LRP5: variants seen among roughly 807,000 people sequenced by gnomAD.
LRP5 encodes low-density lipoprotein receptor-related protein 5.
Under a neutral mutation model 154.1 loss-of-function variants are expected in LRP5, and 62 were observed. The observed-to-expected ratio is 0.40, with a 90% CI of 0.33 to 0.50. The LOEUF (loss-of-function observed/expected upper bound fraction) is 0.50. LRP5 is among the 20% of genes least tolerant of loss of function. The pLI, the probability that LRP5 is intolerant of heterozygous loss-of-function variation, is 0.55. For synonymous variants in LRP5, 966 were observed against 1,011.5 expected, an observed-to-expected ratio of 0.96 and a Z score of 0.85; for missense variants, 1,915 against 2,336.7, an observed-to-expected ratio of 0.82 and a Z score of 3.72.
rs12280982 is a variant in LRP5, at chr11:68,343,902, G to A, written c.92-3945G>A. On this transcript the variant is annotated intron_variant, in intron 1 of 22. Transcript: ENST00000294304. ...GGTGCTGCACTCCCCTGAATGTGCC[G>A]GGGCCTGGGGGCAGGGACCTGGGCT... 7.9e-3 allele frequency among the ~76,000 whole-genome samples: 1,203 copies of A among 152,234 alleles called. 12 individuals are homozygous for A. Among genetic ancestry groups the A allele is most frequent in the African/African-American group, 0.026 (1,095 of 41,538 alleles).
chr11:68,400,705 G>A (rs1421410811), intron 7 of LRP5, among the ~76,000 whole-genome samples: 1 of 152,012 alleles, frequency 6.6e-6, no homozygotes, highest in Non-Finnish European at 1.5e-5. Context: ...TCTAGTCTGG[G>A]CAACAAGAGT....
intron 5 of LRP5, among the ~76,000 whole-genome samples, chr11:68,376,382 C>T (rs532230455): frequency 2.0e-5 from 3 of 152,144 alleles, no homozygotes; most frequent in East Asian, 3.9e-4. Context: ...GGGGTTTCAC[C>T]GTGTTAGCCA....
At chr11:68,381,787 G>A (rs1157303459) in intron 5 of LRP5, among the ~76,000 whole-genome samples, 2 of 152,156 alleles carry the variant, frequency 1.3e-5, no homozygotes, top group African/African-American at 2.4e-5. Context: ...TTTATAGCCC[G>A]GCACAGTCAG....
At position 68,324,295 on chromosome 11, in the gene LRP5, C is replaced by T. The variant is rs867036433; in HGVS notation, c.91+11490C>T. On this transcript the variant is annotated intron_variant, in intron 1 of 22. Transcript: ENST00000294304. ...CATATCACCCTGTGGGACAGATCCC[C>T]GGGACCTAGTGGGGTGGGATAGTGA... is the stretch of plus-strand genomic sequence containing the variant. Among the ~76,000 whole-genome samples the T allele has an allele frequency of 1.1e-4, 17 of 152,374 alleles. 1 individual carries two copies. In the South Asian group the frequency reaches 3.1e-3, roughly 28 times the overall value.
In LRP5 at chr11:68,348,938, T is replaced by A. The variant is rs575513367; in HGVS notation, c.488+695T>A. Among the ~76,000 whole-genome samples, 18 of 148,734 alleles carry A rather than the reference T, an allele frequency of 1.2e-4. No individual in the cohort carries two copies. In the South Asian group the frequency reaches 3.2e-3, roughly 26 times the overall value. ...CAGCCTGGGCGACAAAGTGAGGAGATCCTGTCTCAAAAAAAAAAAAGAGCT... is the reference window on the plus strand; with the variant it reads ...CAGCCTGGGCGACAAAGTGAGGAGAACCTGTCTCAAAAAAAAAAAAGAGCT... On this transcript the variant is annotated intron_variant, in intron 2 of 22. Coordinates refer to ENST00000294304, the MANE Select transcript of LRP5 (RefSeq NM_002335.4).
chr11:68,388,001 G>C (rs2098643971), intron 6 of LRP5, among the ~76,000 whole-genome samples: 2 of 152,154 alleles, frequency 1.3e-5, no homozygotes, highest in South Asian at 4.1e-4. Context: ...TTTCCTGCAA[G>C]TGGACTGGTG....
At chr11:68,363,550 G>A (rs946622009) in intron 3 of LRP5, among the ~76,000 whole-genome samples, 197 bp from the exon 4 acceptor site, 1 of 151,962 alleles carries the variant, frequency 6.6e-6, no homozygotes, top group Non-Finnish European at 1.5e-5. Context: ...CCAGCTACTC[G>A]GGAGGCTGAG....
In LRP5 at chr11:68,425,215, T is replaced by G; in HGVS notation, c.3350T>G (p.Leu1117Arg). 6.2e-7 allele frequency: 1 copy of G among 1,613,350 alleles called. No homozygotes were observed. The highest frequency in any genetic ancestry group is 8.5e-7 in the Non-Finnish European group (1 of 1,179,984). Residue 1117 changes from leucine to arginine, a missense_variant, in exon 15 of 23, where the codon CTG becomes CGG. By Grantham distance (102) the Leu-to-Arg change is moderately radical (BLOSUM62 -2). This residue lies in a region of LRP5 where 1,094 missense variants were observed against 1,210.1 expected (regional missense o/e 0.90). Transcript: ENST00000294304. ...ACCGGCCTCATCCGCCCTGTGGCCC[T>G]GGTGGTGGACAACACACTGGGCAAG... ...FTTGLIRPVA[L>R]VVDNTLGKLF...
intron 17 of LRP5, among the ~76,000 whole-genome samples, chr11:68,431,492 A>G (rs1433924542): frequency 6.6e-6 from 1 of 151,954 alleles, no homozygotes; most frequent in African/African-American, 2.4e-5. Context: ...CGCCCACCTC[A>G]GCCTCCCAAA....
intron 2 of LRP5, among the ~76,000 whole-genome samples, chr11:68,349,687 G>A (rs1232916781): frequency 1.3e-5 from 2 of 152,182 alleles, no homozygotes; most frequent in African/African-American, 4.8e-5. Context: ...AAGCTTTGGA[G>A]TCGAAGTCCG....
At chr11:68,315,377 AACTC>A (rs910225640) in intron 1 of LRP5, among the ~76,000 whole-genome samples, 1 of 152,220 alleles carries the variant, frequency 6.6e-6, no homozygotes, top group Non-Finnish European at 1.5e-5. Context: ...TCCACTGACA[AACTC>A]ACTCACTCAC....
intron 1 of LRP5, among the ~76,000 whole-genome samples, chr11:68,332,029 C>T (rs926080580): frequency 1.3e-5 from 2 of 152,036 alleles, no homozygotes; most frequent in Non-Finnish European, 1.5e-5. Context: ...ACCTGATGTA[C>T]ACAGACCTTG....
intron 21 of LRP5, among the ~76,000 whole-genome samples, chr11:68,440,487 A>T (rs1459304977): frequency 6.6e-6 from 1 of 152,186 alleles, no homozygotes; most frequent in Non-Finnish European, 1.5e-5. Flanking sequence ...CTCCAGGATC[A>T]CTGGGGCTGG....
Position 68,423,637 on chromosome 11 carries a change from G to A in LRP5, c.3176G>A (p.Gly1059Glu). 6.2e-7 allele frequency: 1 copy of A among 1,614,158 alleles called. No homozygotes were observed. Among genetic ancestry groups the A allele is most frequent in the Non-Finnish European group, 8.5e-7 (1 of 1,180,024 alleles). ...CACAGGCTGAGCGGGGAAGCCATGG[G>A]GGTGGTGCTGCGTGGGGACCGCGAC... is the stretch of plus-strand genomic sequence containing the variant. ...NVHRLSGEAM[G>E]VVLRGDRDKP... The change falls in exon 14 of 23, where the codon GGG becomes GAG. Residue 1059 changes from glycine (G) to glutamate (E), a missense_variant. Gly to Glu is a moderately conservative substitution (Grantham distance 98, BLOSUM62 -2). Coordinates refer to ENST00000294304, the MANE Select transcript of LRP5 (RefSeq NM_002335.4). The surrounding 1 kb of genome is among the most constrained non-coding windows in gnomAD (Gnocchi z 4.7).
intron 14 of LRP5, 32 bp from the exon 15 acceptor site, chr11:68,425,070 A>C (rs750990079): frequency 1.2e-6 from 2 of 1,605,676 alleles, no homozygotes; most frequent in Non-Finnish European, 1.7e-6. Flanking sequence ...CGCCATCCCC[A>C]CACCCGTCCT....
chr11:68,421,724 GGT>G (rs1413329407), intron 13 of LRP5, among the ~76,000 whole-genome samples: 5 of 115,422 alleles, frequency 4.3e-5, no homozygotes, highest in Non-Finnish European at 1.0e-4. Flanking sequence ...GTGTGTGTGT[GGT>G]GTGTGTGTGG....
At chr11:68,432,129 C>CTG (rs2098672282) in intron 17 of LRP5, among the ~76,000 whole-genome samples, 2 of 152,162 alleles carry the variant, frequency 1.3e-5, no homozygotes, top group South Asian at 4.1e-4. Context: ...GAGCCGGGCG[C>CTG]GCCCCTGGCT....
rs1422107908 is a variant in LRP5 at position 68,312,616 on chromosome 11, G to C, written c.-99G>C. The C allele has an allele frequency of 7.2e-5, 30 of 416,400 alleles. No homozygotes were observed. The highest frequency in any genetic ancestry group is 2.8e-4 in the African/African-American group (13 of 46,012). The allele number at this position is 416,400 out of a possible 1,614,324, so 25.8% of individuals were successfully genotyped here. A position where few individuals can be genotyped will look rare whatever the true frequency, so the allele number is the denominator to read the frequency against. On this transcript the variant is annotated 5_prime_UTR_variant, in exon 1 of 23. Coordinates refer to ENST00000294304, the MANE Select transcript of LRP5 (RefSeq NM_002335.4). ...GTCGTCCTGGTCCGCGGCGCCCGAGGGGGGAGGCGGAGGCGCCGGGAGCCG... is the reference window on the plus strand; with the variant it reads ...GTCGTCCTGGTCCGCGGCGCCCGAGCGGGGAGGCGGAGGCGCCGGGAGCCG...
rs1432177919 is a variant in LRP5 at position 68,361,775 on chromosome 11, TCACAC to T, written c.687-1968_687-1964del. Among the ~76,000 whole-genome samples the T allele has an allele frequency of 4.6e-5, 7 of 152,134 alleles. No homozygotes were observed. The East Asian group carries it at 1.3e-3, about 29-fold the overall frequency. ...AGATTGAGGCTGCAGTGAGCCATGATCACACCACCGCACTCCAGCCTGGGTGACAG... is the reference window on the plus strand; with the variant it reads ...AGATTGAGGCTGCAGTGAGCCATGATCACCGCACTCCAGCCTGGGTGACAG... On this transcript the variant is annotated intron_variant, in intron 3 of 22. Transcript: ENST00000294304.
Sources: gnomAD v4.1 joint callset for allele counts (sites outside exome capture counted in the v4.1 genomes callset) on GRCh38, gnomAD v4.1.1 for gene constraint, gnomAD v4.1.1 regional missense constraint, Gnocchi (gnomAD v3.1) non-coding constraint, MANE v1.5 for transcripts, NCBI Gene and HGNC (gene_info 2026-07-23, HGNC 2026-07-21) for gene names.